Variants in ABCG2 observed in about 807,000 individuals in gnomAD.
ABCG2 encodes ATP binding cassette subfamily G member 2 (JR blood group), also known as broad substrate specificity ATP-binding cassette transporter ABCG2.
Under a neutral mutation model 73.5 loss-of-function variants are expected in ABCG2, and 80 were observed. The ratio of observed to expected loss-of-function variants is 1.09; its 90% confidence interval spans 0.91 to 1.31. ABCG2 has a LOEUF of 1.31. Ranked by LOEUF, ABCG2 falls within the 50% of genes most tolerant of loss-of-function variation. The pLI is 0.00. For missense variants in ABCG2, 796 were observed against 786.2 expected, an observed-to-expected ratio of 1.01 and a Z score of -0.15; for synonymous variants, 269 against 282.4, an observed-to-expected ratio of 0.95 and a Z score of 0.48.
chr4:88,138,736 A>C (rs1268490321), intron 2 of ABCG2, among the ~76,000 whole-genome samples: 1 of 152,190 alleles, frequency 6.6e-6, no homozygotes, highest in East Asian at 1.9e-4. Context: ...CCTTTCCACT[A>C]AAATGTGAAA....
intron 10 of ABCG2, among the ~76,000 whole-genome samples, chr4:88,104,165 T>C (rs570257925): frequency 2.0e-5 from 3 of 152,228 alleles, no homozygotes; most frequent in Non-Finnish European, 4.4e-5. Context: ...AAAGCAGTTA[T>C]TCCAGAGGTA....
chr4:88,178,129 C>T (rs1011029350), intron 1 of ABCG2, among the ~76,000 whole-genome samples: 1 of 152,200 alleles, frequency 6.6e-6, no homozygotes, highest in African/African-American at 2.4e-5. Context: ...CTTACCCAAG[C>T]TCAGGCAGTG....
At chr4:88,139,140 CAAA>C (rs35885773) in intron 2 of ABCG2, among the ~76,000 whole-genome samples, 5 of 102,540 alleles carry the variant, frequency 4.9e-5, no homozygotes, top group Admixed American at 1.0e-4. Context: ...GACTCCCTCT[CAAA>C]AAAAAAAAAA....
upstream of ABCG2, among the ~76,000 whole-genome samples, chr4:88,160,279 TG>T (rs1216426223): frequency 1.3e-5 from 2 of 151,792 alleles, no homozygotes; most frequent in Admixed American, 1.3e-4. Flanking sequence ...TTTTCAGACC[TG>T]GCCGTTAACG....
At chr4:88,164,885 C>A (rs1727455198) in intron 1 of ABCG2, among the ~76,000 whole-genome samples, 1 of 152,138 alleles carries the variant, frequency 6.6e-6, no homozygotes, top group South Asian at 2.1e-4. Context: ...TCAAGCAATT[C>A]TCCTGCCTCA....
intron 1 of ABCG2, among the ~76,000 whole-genome samples, chr4:88,222,588 G>A (rs1413416449): frequency 1.3e-5 from 2 of 152,246 alleles, no homozygotes; most frequent in Non-Finnish European, 2.9e-5. Flanking sequence ...ATGTGGAACT[G>A]TGAGTTTGCC....
intron 1 of ABCG2, among the ~76,000 whole-genome samples, chr4:88,169,894 T>C (rs921359120): frequency 6.6e-6 from 1 of 152,004 alleles, no homozygotes; most frequent in Non-Finnish European, 1.5e-5. Context: ...GTGGATCACC[T>C]GAGGTCAGGA....
chr4:88,143,398 A>C (rs1725771566), intron 1 of ABCG2, among the ~76,000 whole-genome samples: 1 of 152,202 alleles, frequency 6.6e-6, no homozygotes, highest in African/African-American at 2.4e-5. Context: ...AAGACTTCTT[A>C]AGAGTATCAA....
chr4:88,193,933 T>TG lies in ABCG2; in HGVS notation c.-20+37060dup, dbSNP rs1294286601. Among the ~76,000 whole-genome samples the TG allele has an allele frequency of 2.6e-5, 4 of 152,148 alleles. 1 individual carries two copies. In the South Asian group the frequency reaches 8.3e-4, roughly 32 times the overall value. ...CTAATTTTTGTATTTTTAATAGAGA[T>TG]GGGGTTTCACCATGTTGGCCAGACT... is the stretch of plus-strand genomic sequence containing the variant. On this transcript the variant is annotated intron_variant, in intron 1 of 15. Transcript: ENST00000515655.
intron 1 of ABCG2, among the ~76,000 whole-genome samples, chr4:88,147,503 G>C (rs1194424049): frequency 6.6e-6 from 1 of 152,144 alleles, no homozygotes; most frequent in Admixed American, 6.5e-5. Context: ...TTGCAAATCT[G>C]CAATTTCTAA....
chr4:88,195,157 C>T (rs1728892808), intron 1 of ABCG2, among the ~76,000 whole-genome samples: 1 of 152,048 alleles, frequency 6.6e-6, no homozygotes, highest in African/African-American at 2.4e-5. Context: ...TCGCTTGAGG[C>T]CAGGAGTTCA....
At chr4:88,101,384 C>T (rs1244121758) in intron 10 of ABCG2, 65 bp from the exon 11 acceptor site, 2 of 1,386,242 alleles carry the variant, frequency 1.4e-6, no homozygotes, top group Non-Finnish European at 2.0e-6. Flanking sequence ...ATTTTCTACC[C>T]ACAAAACTCT....
At chr4:88,098,039 G>A (rs1461901846) in intron 12 of ABCG2, among the ~76,000 whole-genome samples, 2 of 152,140 alleles carry the variant, frequency 1.3e-5, no homozygotes, top group East Asian at 3.9e-4. Flanking sequence ...TCTGGGGGAG[G>A]GGGAGGGGGC....
At chr4:88,211,712 C>T (rs889493726) in intron 1 of ABCG2, among the ~76,000 whole-genome samples, 1 of 152,126 alleles carries the variant, frequency 6.6e-6, no homozygotes, top group Admixed American at 6.5e-5. Context: ...CCACTGTGCC[C>T]GGCCGAGAAC....
intron 1 of ABCG2, among the ~76,000 whole-genome samples, chr4:88,166,634 G>A (rs530103025): frequency 2.0e-5 from 3 of 152,294 alleles, no homozygotes; most frequent in Admixed American, 6.5e-5. Flanking sequence ...ATGGGACTCT[G>A]TAAACAGTGG....
chr4:88,171,201 C>A (rs1321254080), intron 1 of ABCG2, among the ~76,000 whole-genome samples: 1 of 148,850 alleles, frequency 6.7e-6, no homozygotes, highest in Non-Finnish European at 1.5e-5. Context: ...ATCACCTGCA[C>A]AACAAACCCT....
intron 15 of ABCG2, among the ~76,000 whole-genome samples, chr4:88,093,377 A>G (rs2622616): frequency 0.83 from 125,547 of 151,706 alleles, 54,244 homozygotes; most frequent in Non-Finnish European, 0.97. Context: ...GGTGGTGGGC[A>G]CCTGTAATCC....
intron 6 of ABCG2, among the ~76,000 whole-genome samples, chr4:88,121,289 G>T (rs1444777794): frequency 6.6e-6 from 1 of 152,136 alleles, no homozygotes; most frequent in African/African-American, 2.4e-5. Context: ...TGAAAAAGGT[G>T]TGAAATAAAA....
At chr4:88,107,406 G>C in intron 9 of ABCG2, 140 bp from the exon 10 acceptor site, 1 of 563,236 alleles carries the variant, frequency 1.8e-6, no homozygotes, top group South Asian at 2.8e-5. Context: ...CTTGGCCAAC[G>C]TCCCTGGGAG....
Sources: gnomAD v4.1 joint callset for allele counts (sites outside exome capture counted in the v4.1 genomes callset) on GRCh38, gnomAD v4.1.1 for gene constraint, MANE v1.5 for transcripts, NCBI Gene and HGNC (gene_info 2026-07-23, HGNC 2026-07-21) for gene names.